The following COLGALT1 variants were observed in gnomAD, a reference collection of about 807,000 sequenced individuals.
COLGALT1 encodes the protein collagen beta(1-O)galactosyltransferase 1, also known as procollagen galactosyltransferase 1.
Under a neutral mutation model 60.8 loss-of-function variants are expected in COLGALT1, and 43 were observed. The ratio of observed to expected loss-of-function variants is 0.71; its 90% CI spans 0.55 to 0.91. The LOEUF is 0.91. COLGALT1 is among the 40% of genes least tolerant of loss of function. The pLI, the probability that COLGALT1 is intolerant of heterozygous loss-of-function variation, is 0.00. For missense variants in COLGALT1, 845 were observed against 880.0 expected, an observed-to-expected ratio of 0.96 and a Z score of 0.50; for synonymous variants, 369 against 374.2, an observed-to-expected ratio of 0.99 and a Z score of 0.16.
In COLGALT1 at chr19:17,556,247, T is replaced by G. The variant is rs998532693; in HGVS notation, c.260+274T>G. On this transcript the variant is annotated intron_variant, in intron 1 of 11. Transcript: ENST00000252599. ...ACAAGCGGGACCGAGTTCCTCCTGC[T>G]GGCTCCTTTGGGGTGGGCTGGGCAC... Among the ~76,000 whole-genome samples the G allele has an allele frequency of 4.6e-5, 7 of 152,328 alleles. No individual in the cohort carries two copies. The East Asian group carries it at 1.4e-3, about 29-fold the overall frequency.
rs2076234713 is a variant in COLGALT1, at chr19:17,559,366, G to A, written c.316G>A (p.Val106Met). The change falls in exon 2 of 12, where the codon GTG becomes ATG. Residue 106 changes from valine (V) to methionine (M), a missense_variant. Val to Met is a conservative substitution (Grantham distance 21). Coordinates refer to ENST00000252599, the MANE Select transcript of COLGALT1 (RefSeq NM_024656.4). Reference sequence around the variant, plus strand: ...GTCAACTGTGCTGCGGGAGTGGCTGGTGGCCGTGAAGAGTTTGTACCATTC... The same window carrying A: ...GTCAACTGTGCTGCGGGAGTGGCTGATGGCCGTGAAGAGTTTGTACCATTC... The part of the protein sequence containing the change: ...NTSTVLREWL[V>M]AVKSLYHSVE... 1 of 1,552,504 alleles carries A rather than the reference G, an allele frequency of 6.4e-7. No homozygotes were observed. Among genetic ancestry groups the A allele is most frequent in the Non-Finnish European group, 8.7e-7 (1 of 1,147,472 alleles).
intron 9 of COLGALT1, 131 bp downstream of exon 9, chr19:17,578,220 CCTCTCT>C: frequency 8.8e-6 from 9 of 1,023,276 alleles, no homozygotes; most frequent in African/African-American, 1.6e-5. Context: ...GGACCCATGG[CCTCTCT>C]TTAGTGAATG....
chr19:17,563,351 C>T (rs1049091989), intron 3 of COLGALT1, among the ~76,000 whole-genome samples: 3 of 147,374 alleles, frequency 2.0e-5, no homozygotes, highest in Non-Finnish European at 3.0e-5. Context: ...CCACCATGCC[C>T]GGCTATTTTT....
intron 10 of COLGALT1, 59 bp downstream of exon 10, chr19:17,579,668 AGGTGGG>A: frequency 1.4e-4 from 19 of 135,270 alleles, no homozygotes; most frequent in Non-Finnish European, 2.2e-4. Context: ...CAGGACTTAG[AGGTGGG>A]GGTGGGGGCA....
At chr19:17,561,679 C>G (rs1489324442) in intron 3 of COLGALT1, among the ~76,000 whole-genome samples, 1 of 137,830 alleles carries the variant, frequency 7.3e-6, no homozygotes, top group Non-Finnish European at 1.5e-5. Context: ...TTGAATATTA[C>G]TATTATTTTT....
At chr19:17,566,889 G>A (rs1332968372) in intron 3 of COLGALT1, among the ~76,000 whole-genome samples, 1 of 152,138 alleles carries the variant, frequency 6.6e-6, no homozygotes, top group East Asian at 1.9e-4. Flanking sequence ...CGAGGTGGAC[G>A]AATCACATGA....
At chr19:17,576,993 T>C in intron 6 of COLGALT1, 1 of 577,234 alleles carries the variant, frequency 1.7e-6, no homozygotes, top group South Asian at 2.1e-5. Flanking sequence ...GCCTGGGGTG[T>C]GGCCAGGGCT....
At chr19:17,577,905 G>C in intron 8 of COLGALT1, 52 bp from the exon 9 acceptor site, 6 of 1,566,156 alleles carry the variant, frequency 3.8e-6, no homozygotes, top group Non-Finnish European at 5.2e-6. Context: ...GGGGATGGCA[G>C]AATGGCAGGC....
chr19:17,561,717 G>A (rs1421733514), intron 3 of COLGALT1, among the ~76,000 whole-genome samples: 1 of 150,024 alleles, frequency 6.7e-6, no homozygotes, highest in Non-Finnish European at 1.5e-5. Flanking sequence ...TGGAGCACAA[G>A]TGTAATTCTG....
intron 3 of COLGALT1, among the ~76,000 whole-genome samples, chr19:17,565,520 T>C (rs1222019983): frequency 6.6e-6 from 1 of 151,794 alleles, no homozygotes; most frequent in Admixed American, 6.6e-5. Flanking sequence ...GTTTGAATTA[T>C]CTGGGCATGG....
rs775094058 is a variant in COLGALT1, at chr19:17,579,531, G to A, written c.1316G>A (p.Arg439His). 8 of 1,613,990 alleles carry A rather than the reference G, an allele frequency of 5.0e-6. No individual in the cohort carries two copies. The highest frequency in any genetic ancestry group is 2.2e-5 in the East Asian group (1 of 44,892). Residue 439 changes from arginine to histidine, a missense_variant, in exon 10 of 12, where the codon CGT becomes CAT. Arg to His is a conservative substitution (Grantham distance 29). Coordinates refer to ENST00000252599, the MANE Select transcript of COLGALT1 (RefSeq NM_024656.4). ...QKSLVFEDDL[R>H]FEIFFKRRLM... Reference sequence around the variant, plus strand: ...TCGCTTGTGTTTGAGGATGACCTGCGTTTTGAGATCTTCTTCAAGAGACGT... The same window carrying A: ...TCGCTTGTGTTTGAGGATGACCTGCATTTTGAGATCTTCTTCAAGAGACGT...
chr19:17,577,209 G>T lies in COLGALT1; in HGVS notation c.964G>T (p.Ala322Ser), dbSNP rs142395967. The T allele has an allele frequency of 1.9e-6, 3 of 1,613,020 alleles. No homozygotes were observed. Among genetic ancestry groups the T allele is most frequent in the East Asian group, 4.5e-5 (2 of 44,842 alleles). Reference protein sequence around the residue: ...QLEVMVKHPPAEPSRFISAPT... With the variant: ...QLEVMVKHPPSEPSRFISAPT... ...GTGCCCCACAGTGAAGCACCCGCCC[G>T]CAGAGCCCTCCCGCTTCATCTCGGC... Residue 322 changes from alanine to serine, a missense_variant, in exon 7 of 12, where the codon GCA (alanine) becomes TCA (serine). Transcript: ENST00000252599.
chr19:17,571,825 A>G (rs924300864), intron 5 of COLGALT1: 2 of 152,108 alleles, frequency 1.3e-5, no homozygotes, highest in African/African-American at 4.8e-5. Flanking sequence ...TTGTGCCTCA[A>G]CATGCATTTT....
chr19:17,557,967 C>T (rs533968531), intron 1 of COLGALT1, among the ~76,000 whole-genome samples: 2 of 151,930 alleles, frequency 1.3e-5, no homozygotes, highest in African/African-American at 4.8e-5. Flanking sequence ...GACTGAGTCT[C>T]GCTCTCGTTG....
At chr19:17,563,937 A>T (rs2076264444) in intron 3 of COLGALT1, among the ~76,000 whole-genome samples, 1 of 152,006 alleles carries the variant, frequency 6.6e-6, no homozygotes, top group African/African-American at 2.4e-5. Context: ...GCAGGTAAAA[A>T]AAATAAATAA....
At chr19:17,557,031 C>T (rs935583300) in intron 1 of COLGALT1, among the ~76,000 whole-genome samples, 1 of 152,210 alleles carries the variant, frequency 6.6e-6, no homozygotes, top group Non-Finnish European at 1.5e-5. Context: ...GCTTGGCTCT[C>T]AGTGATTTTA....
chr19:17,581,249 C>G lies in COLGALT1; in HGVS notation c.1674C>G (p.Pro558=), dbSNP rs781675245. The G allele has an allele frequency of 2.5e-6, 4 of 1,611,710 alleles. No individual in the cohort carries two copies. Among genetic ancestry groups the G allele is most frequent in the African/African-American group, 1.3e-5 (1 of 74,982 alleles). The change falls in exon 12 of 12, where the codon CCC becomes CCG. Residue 558 remains proline, a synonymous_variant. Coordinates refer to ENST00000252599, the MANE Select transcript of COLGALT1 (RefSeq NM_024656.4). Reference sequence around the variant, plus strand: ...CTGTGGAGCCGCTGCTCATCTACCCCACACACTACACAGGAGACGATGGCT... The same window carrying G: ...CTGTGGAGCCGCTGCTCATCTACCCGACACACTACACAGGAGACGATGGCT... ...AFSVEPLLIY[P]THYTGDDGYV...
rs200593668 is a variant in COLGALT1, at chr19:17,567,474, G to A, written c.558G>A (p.Thr186=). ...GCCTGCTCATCGCTGAGAACAAGAC[G>A]GTGGTCGCCCCCATGCTGGATTCCC... ...TLSLLIAENK[T]VVAPMLDSRA... Residue 186 remains threonine (T), a synonymous_variant, in exon 4 of 12, where the codon ACG becomes ACA. Transcript: ENST00000252599. 99 of 1,614,116 alleles carry A rather than the reference G, an allele frequency of 6.1e-5. No individual in the cohort carries two copies. Among genetic ancestry groups the A allele is most frequent in the Admixed American group, 1.0e-4 (6 of 60,012 alleles).
At position 17,577,231 on chromosome 19, in the gene COLGALT1, C is replaced by T. The variant is rs564381887; in HGVS notation, c.986C>T (p.Ser329Leu). The T allele has an allele frequency of 2.5e-6, 4 of 1,610,778 alleles. No individual in the cohort carries two copies. The highest frequency in any genetic ancestry group is 1.4e-5 in the African/African-American group (1 of 73,880). Residue 329 changes from serine to leucine, a missense_variant, in exon 7 of 12, where the codon TCG (serine) becomes TTG (leucine). Ser to Leu is a moderately radical substitution (Grantham distance 145). Coordinates refer to ENST00000252599, the MANE Select transcript of COLGALT1 (RefSeq NM_024656.4). The part of the protein sequence containing the change: ...HPPAEPSRFI[S>L]APTKTPDKMG... ...CCCGCAGAGCCCTCCCGCTTCATCT[C>T]GGCTCCCACCAAGACACCGGACAAG...
Sources: allele counts gnomAD v4.1 joint callset (sites outside exome capture counted in the v4.1 genomes callset), GRCh38; gene constraint gnomAD v4.1.1; transcripts MANE v1.5; gene names NCBI Gene and HGNC (gene_info 2026-07-23, HGNC 2026-07-21).